Variants in ADAMTSL3 observed in about 807,000 individuals in gnomAD.
ADAMTSL3 encodes ADAMTS like 3.
A neutral mutation model predicts 201.7 loss-of-function variants in ADAMTSL3; 128 were observed. That is an observed-to-expected ratio of 0.63 (90% CI 0.55 to 0.73). ADAMTSL3 has a LOEUF of 0.73. ADAMTSL3 is among the 30% of genes least tolerant of loss of function. The probability of loss-of-function intolerance (pLI) is 0.00; values close to 1 mark genes in which losing one functional copy is unlikely to be tolerated. For synonymous variants in ADAMTSL3, 738 were observed against 748.4 expected (o/e 0.99, Z 0.23); for missense variants, 1,990 against 2,119.6 (o/e 0.94, Z 1.20).
chr15:83,719,188 C>T (rs1404636509), intron 3 of ADAMTSL3, among the ~76,000 whole-genome samples: 1 of 152,162 alleles, frequency 6.6e-6, no homozygotes, highest in African/African-American at 2.4e-5. Context: ...ATCTAACTAC[C>T]TATTTATGAG....
intron 3 of ADAMTSL3, among the ~76,000 whole-genome samples, chr15:83,746,979 A>G (rs140051205): frequency 6.6e-6 from 1 of 152,350 alleles, no homozygotes; most frequent in East Asian, 1.9e-4. Flanking sequence ...AAGCTTTGCT[A>G]TGGATTTTCT....
chr15:83,865,462 A>G (rs990522827), intron 8 of ADAMTSL3, among the ~76,000 whole-genome samples: 1 of 152,220 alleles, frequency 6.6e-6, no homozygotes, highest in Non-Finnish European at 1.5e-5. Context: ...AATGCCGCAT[A>G]TCTACAACCA....
At chr15:83,772,846 C>T (rs2063006900) in intron 3 of ADAMTSL3, among the ~76,000 whole-genome samples, 1 of 152,054 alleles carries the variant, frequency 6.6e-6, no homozygotes, top group Non-Finnish European at 1.5e-5. Flanking sequence ...GCTGGGATTA[C>T]AGGCACGCAC....
At chr15:83,773,281 G>A (rs1055440628) in intron 3 of ADAMTSL3, among the ~76,000 whole-genome samples, 3 of 152,104 alleles carry the variant, frequency 2.0e-5, no homozygotes, top group Non-Finnish European at 2.9e-5. Context: ...GGTGGTGGGC[G>A]CCTGTAATCC....
At chr15:83,728,436 C>T (rs577627492) in intron 3 of ADAMTSL3, among the ~76,000 whole-genome samples, 31 of 151,492 alleles carry the variant, frequency 2.0e-4, no homozygotes, top group African/African-American at 7.0e-4. Context: ...CCGCCCCCTT[C>T]CTATTTTCTT....
intron 3 of ADAMTSL3, among the ~76,000 whole-genome samples, chr15:83,710,008 A>T (rs1235707033): frequency 6.6e-6 from 1 of 152,144 alleles, no homozygotes; most frequent in Non-Finnish European, 1.5e-5. Flanking sequence ...AATAATGCTG[A>T]CCTTGCCACT....
chr15:83,861,543 C>T lies in ADAMTSL3; in HGVS notation c.802+2703C>T, dbSNP rs554091497. On this transcript the variant is annotated intron_variant, in intron 8 of 29. Coordinates refer to ENST00000286744, the MANE Select transcript of ADAMTSL3 (RefSeq NM_207517.3). ...GGAGTGGACCTCCAGCAAACTCCAA[C>T]AGACCTGCAGCTGAGCGTCCTGACT... is the stretch of plus-strand genomic sequence containing the variant. 10 of 161,680 alleles carry T rather than the reference C, an allele frequency of 6.2e-5. No homozygotes were observed. The South Asian group carries it at 1.7e-3, about 27-fold the overall frequency. 10.0% of individuals were successfully genotyped at this position (161,680 alleles called of 1,614,324 possible).
chr15:84,030,756 G>A (rs1259684264), intron 27 of ADAMTSL3, among the ~76,000 whole-genome samples: 1 of 152,122 alleles, frequency 6.6e-6, no homozygotes, highest in Non-Finnish European at 1.5e-5. Context: ...TAGGCTTTTT[G>A]TCCTCACCCA....
intron 20 of ADAMTSL3, 49 bp from the exon 21 acceptor site, chr15:83,982,224 T>G: frequency 1.1e-4 from 162 of 1,426,482 alleles, no homozygotes; most frequent in Non-Finnish European, 1.4e-4. Context: ...TCTGTATTTT[T>G]GAGATGTTTA....
chr15:83,738,170 T>G (rs920192248), intron 3 of ADAMTSL3, among the ~76,000 whole-genome samples: 1 of 152,136 alleles, frequency 6.6e-6, no homozygotes, highest in African/African-American at 2.4e-5. Context: ...AAGAAACTGG[T>G]AAAGCTTGGA....
At chr15:83,916,723 A>C (rs1170897753) in intron 16 of ADAMTSL3, among the ~76,000 whole-genome samples, 2 of 152,176 alleles carry the variant, frequency 1.3e-5, no homozygotes, top group East Asian at 3.9e-4. Context: ...AGGCAGGAGG[A>C]TCTCTTGAGG....
rs28606400 is a variant in ADAMTSL3, at chr15:83,657,413, G to T, written c.69+1583G>T. ...GTGTGCATAGAAGGTCATAAAAGGA[G>T]ATTTCAGACCAGCAGTCTTCATCAT... is the stretch of plus-strand genomic sequence containing the variant. On this transcript the variant is annotated intron_variant, in intron 2 of 29. Coordinates refer to ENST00000286744, the MANE Select transcript of ADAMTSL3 (RefSeq NM_207517.3). Among the ~76,000 whole-genome samples the T allele has an allele frequency of 1.3e-3, 205 of 152,296 alleles. 1 individual carries two copies. Among genetic ancestry groups the T allele is most frequent in the African/African-American group, 4.6e-3 (193 of 41,550 alleles).
At chr15:83,848,618 G>C (rs1346231891) in intron 7 of ADAMTSL3, among the ~76,000 whole-genome samples, 1 of 152,170 alleles carries the variant, frequency 6.6e-6, no homozygotes, top group African/African-American at 2.4e-5. Flanking sequence ...GCATCACTTG[G>C]TCTCATAGTA....
At chr15:83,714,714 CTCTT>C (rs1055506990) in intron 3 of ADAMTSL3, among the ~76,000 whole-genome samples, 26 of 134,548 alleles carry the variant, frequency 1.9e-4, no homozygotes, top group Non-Finnish European at 3.9e-4. Flanking sequence ...CCCTCCTTCC[CTCTT>C]TCTTTCTTTT....
intron 4 of ADAMTSL3, among the ~76,000 whole-genome samples, chr15:83,795,563 T>C (rs1003214830): frequency 2.0e-5 from 3 of 152,050 alleles, no homozygotes; most frequent in African/African-American, 7.2e-5. Flanking sequence ...ACAGAAGGAC[T>C]AGGGGGAAAA....
chr15:83,717,079 C>A (rs2062029996), intron 3 of ADAMTSL3, among the ~76,000 whole-genome samples: 1 of 152,132 alleles, frequency 6.6e-6, no homozygotes, highest in Non-Finnish European at 1.5e-5. Flanking sequence ...AAACCTAATT[C>A]TGAACACATG....
intron 20 of ADAMTSL3, among the ~76,000 whole-genome samples, chr15:83,974,629 A>T (rs1336945791): frequency 6.6e-6 from 1 of 152,166 alleles, no homozygotes; most frequent in Non-Finnish European, 1.5e-5. Flanking sequence ...ATCAGAATGA[A>T]TTGTATTCAT....
intron 4 of ADAMTSL3, among the ~76,000 whole-genome samples, chr15:83,803,317 G>C (rs1200024332): frequency 1.3e-5 from 2 of 152,204 alleles, no homozygotes; most frequent in Non-Finnish European, 2.9e-5. Flanking sequence ...TTACATTGCT[G>C]ACTCTATCAG....
intron 19 of ADAMTSL3, among the ~76,000 whole-genome samples, chr15:83,950,053 G>A (rs1365241372): frequency 6.6e-6 from 1 of 151,946 alleles, no homozygotes; most frequent in Non-Finnish European, 1.5e-5. Flanking sequence ...GCCTGTGCTC[G>A]TGGGGTATTA....
Sources: allele counts gnomAD v4.1 joint callset (sites outside exome capture counted in the v4.1 genomes callset), GRCh38; gene constraint gnomAD v4.1.1; transcripts MANE v1.5; gene names NCBI Gene and HGNC (gene_info 2026-07-23, HGNC 2026-07-21).